Variants in PARD3 observed in about 807,000 individuals in gnomAD.
The protein encoded by PARD3 is par-3 family cell polarity regulator.
A neutral mutation model predicts 155.4 loss-of-function variants in PARD3; 75 were observed. That is an observed-to-expected ratio of 0.48 (90% CI 0.40 to 0.58). The LOEUF (loss-of-function observed/expected upper bound fraction) is 0.58, where lower values mean the gene tolerates loss of function less well. Among genes scored for constraint, PARD3 ranks in the 20% least tolerant of loss-of-function variants. PARD3 has a pLI of 0.00. For synonymous variants in PARD3, 576 were observed against 610.5 expected, an observed-to-expected ratio of 0.94 and a Z score of 0.83; for missense variants, 1,642 against 1,721.7, an observed-to-expected ratio of 0.95 and a Z score of 0.82.
chr10:34,677,258 AC>A (rs904459460), intron 2 of PARD3, among the ~76,000 whole-genome samples: 5 of 152,138 alleles, frequency 3.3e-5, no homozygotes, highest in Non-Finnish European at 5.9e-5. Flanking sequence ...AGGCAGGAGG[AC>A]TGCTTGAGGC....
At chr10:34,148,810 A>G (rs906234127) in intron 22 of PARD3, among the ~76,000 whole-genome samples, 6 of 152,206 alleles carry the variant, frequency 3.9e-5, no homozygotes, top group Non-Finnish European at 8.8e-5. Flanking sequence ...AATCCCTTTT[A>G]TATGTCAAAA....
intron 3 of PARD3, among the ~76,000 whole-genome samples, chr10:34,479,659 G>C (rs2078947050): frequency 6.6e-6 from 1 of 152,118 alleles, no homozygotes; most frequent in Admixed American, 6.5e-5. Context: ...ACAGCTCCCT[G>C]AACATGCACC....
chr10:34,352,942 C>G (rs991667979), intron 14 of PARD3, among the ~76,000 whole-genome samples: 1 of 151,432 alleles, frequency 6.6e-6, no homozygotes, highest in East Asian at 1.9e-4. Context: ...ATGTGGGGAG[C>G]GCCTCTGCCC....
At chr10:34,233,525 A>G (rs1953050521) in intron 22 of PARD3, among the ~76,000 whole-genome samples, 1 of 151,958 alleles carries the variant, frequency 6.6e-6, no homozygotes, top group Admixed American at 6.5e-5. Context: ...CCATATTCAC[A>G]TATCTAACCA....
At chr10:34,491,625 A>G (rs933174640) in intron 3 of PARD3, among the ~76,000 whole-genome samples, 2 of 152,250 alleles carry the variant, frequency 1.3e-5, no homozygotes, top group African/African-American at 4.8e-5. Context: ...ATCCTATTGC[A>G]AATTTGTATA....
In PARD3 at chr10:34,581,824, A is replaced by T. The variant is rs148927967; in HGVS notation, c.223-64665T>A. Among the ~76,000 whole-genome samples the T allele has an allele frequency of 2.0e-5, 3 of 152,298 alleles. No homozygotes were observed. In the East Asian group the frequency reaches 5.8e-4, roughly 29 times the overall value. Reference sequence around the variant, plus strand: ...GAAGGGATTTCATTCGTGGTGGATGAGAAACAGAATCTCACAATAACGATA... The same window carrying T: ...GAAGGGATTTCATTCGTGGTGGATGTGAAACAGAATCTCACAATAACGATA... On this transcript the variant is annotated intron_variant, in intron 2 of 24. Coordinates refer to ENST00000374788, the MANE Select transcript of PARD3 (RefSeq NM_001184785.2).
At chr10:34,526,574 T>G (rs1656587440) in intron 2 of PARD3, among the ~76,000 whole-genome samples, 1 of 152,154 alleles carries the variant, frequency 6.6e-6, no homozygotes, top group African/African-American at 2.4e-5. Context: ...GCTGAGATCT[T>G]TAGTTAGGAA....
At chr10:34,614,851 C>T (rs549087893) in intron 2 of PARD3, among the ~76,000 whole-genome samples, 7 of 152,218 alleles carry the variant, frequency 4.6e-5, no homozygotes, top group Admixed American at 1.3e-4. Flanking sequence ...ACAAAATAAA[C>T]GAAGCTAGAG....
At chr10:34,397,239 C>T (rs1410805766) in intron 7 of PARD3, among the ~76,000 whole-genome samples, 3 of 152,178 alleles carry the variant, frequency 2.0e-5, no homozygotes, top group Non-Finnish European at 2.9e-5. Flanking sequence ...AGACCACCTA[C>T]TTTTTCTCTC....
intron 22 of PARD3, among the ~76,000 whole-genome samples, chr10:34,233,091 C>T (rs1953025382): frequency 8.1e-6 from 1 of 123,844 alleles, no homozygotes; most frequent in South Asian, 2.6e-4. Flanking sequence ...CCTTTACATT[C>T]CCTTGGACTC....
intron 20 of PARD3, among the ~76,000 whole-genome samples, chr10:34,292,996 C>A (rs774303322): frequency 1.3e-5 from 2 of 151,956 alleles, no homozygotes; most frequent in Admixed American, 6.6e-5. Context: ...CAAAGGGAAC[C>A]GAGCACAAAA....
chr10:34,311,490 T>TA (rs1279711867), intron 20 of PARD3, among the ~76,000 whole-genome samples: 1 of 152,200 alleles, frequency 6.6e-6, no homozygotes, highest in East Asian at 1.9e-4. Context: ...TAAGGCTTCT[T>TA]ACAAGAGAGA....
intron 19 of PARD3, among the ~76,000 whole-genome samples, chr10:34,328,977 G>C (rs903943502): frequency 2.6e-5 from 4 of 152,176 alleles, no homozygotes; most frequent in African/African-American, 9.7e-5. Context: ...CCTGCCACAC[G>C]TGTATTTCCC....
intron 21 of PARD3, among the ~76,000 whole-genome samples, chr10:34,282,203 T>C (rs1956193166): frequency 6.6e-6 from 1 of 152,018 alleles, no homozygotes; most frequent in South Asian, 2.1e-4. Flanking sequence ...TTGCAAAAAG[T>C]TGTTATTGAA....
In PARD3 at chr10:34,331,321, G is replaced by A. The variant is rs757670744; in HGVS notation, c.2629C>T (p.Pro877Ser). The part of the protein sequence containing the change: ...KAGSPSRDVG[P>S]SLGLKKSSSL... ...CTTGACTTCTTCAGACCCAGGGAAG[G>A]ACCCACATCTCTGCTGGGAGAACCT... The change falls in exon 19 of 25, where the codon CCT (proline) becomes TCT (serine). Residue 877 changes from proline (P) to serine (S), a missense_variant. Coordinates refer to ENST00000374788, the MANE Select transcript of PARD3 (RefSeq NM_001184785.2). 1 of 1,613,412 alleles carries A rather than the reference G, an allele frequency of 6.2e-7. No homozygotes were observed.
chr10:34,547,633 G>A (rs750923316), intron 2 of PARD3, among the ~76,000 whole-genome samples: 1 of 152,288 alleles, frequency 6.6e-6, no homozygotes, highest in South Asian at 2.1e-4. Flanking sequence ...GTGAGTTCCC[G>A]ATAGGACAGG....
chr10:34,168,497 C>T (rs1038240186), intron 22 of PARD3, among the ~76,000 whole-genome samples: 20 of 152,176 alleles, frequency 1.3e-4, no homozygotes. Context: ...CAAGGCCACA[C>T]ATTGCTATGT....
At chr10:34,629,523 T>G (rs1458606534) in intron 2 of PARD3, among the ~76,000 whole-genome samples, 2 of 152,134 alleles carry the variant, frequency 1.3e-5, no homozygotes, top group Non-Finnish European at 1.5e-5. Flanking sequence ...CTGCTCAGAG[T>G]GTGGCTAAAT....
At chr10:34,243,949 A>T (rs1042750560) in intron 22 of PARD3, among the ~76,000 whole-genome samples, 2 of 152,204 alleles carry the variant, frequency 1.3e-5, no homozygotes, top group Non-Finnish European at 2.9e-5. Context: ...CCTACAAGAT[A>T]GTGACTATAA....
Sources: gnomAD v4.1 joint callset for allele counts (sites outside exome capture counted in the v4.1 genomes callset) on GRCh38, gnomAD v4.1.1 for gene constraint, MANE v1.5 for transcripts, NCBI Gene and HGNC (gene_info 2026-07-23, HGNC 2026-07-21) for gene names.